Variants in MAP4K3 observed in about 807,000 individuals in gnomAD.
The protein encoded by MAP4K3 is mitogen-activated protein kinase kinase kinase kinase 3.
In MAP4K3, 94 loss-of-function variants were observed where a neutral mutation model predicts 143.5. The ratio of observed to expected loss-of-function variants is 0.65; its 90% CI spans 0.55 to 0.78. The LOEUF (loss-of-function observed/expected upper bound fraction) is 0.78, where lower values mean the gene tolerates loss of function less well. MAP4K3 is among the 30% of genes least tolerant of loss of function. MAP4K3 has a pLI of 0.00. For missense variants in MAP4K3, 1,077 were observed against 1,068.1 expected, an observed-to-expected ratio of 1.01 and a Z score of -0.12; for synonymous variants, 416 against 347.2, an observed-to-expected ratio of 1.20 and a Z score of -2.20.
At chr2:39,305,065 T>G (rs1218144185) in intron 15 of MAP4K3, among the ~76,000 whole-genome samples, 1 of 152,068 alleles carries the variant, frequency 6.6e-6, no homozygotes, top group Non-Finnish European at 1.5e-5. Flanking sequence ...GAAAAAGGAA[T>G]GGGGAGTTAT....
chr2:39,422,140 C>T (rs1334746678), intron 1 of MAP4K3, among the ~76,000 whole-genome samples: 4 of 151,898 alleles, frequency 2.6e-5, no homozygotes, highest in African/African-American at 9.7e-5. Context: ...GAGAAAAACA[C>T]TAAGATAGAA....
At chr2:39,305,244 A>G (rs1031231987) in intron 15 of MAP4K3, among the ~76,000 whole-genome samples, 2 of 152,226 alleles carry the variant, frequency 1.3e-5, no homozygotes, top group African/African-American at 4.8e-5. Context: ...AAAAAAACAA[A>G]AACAAAACAT....
At chr2:39,302,301 T>G (rs970518851) in intron 15 of MAP4K3, among the ~76,000 whole-genome samples, 5 of 152,164 alleles carry the variant, frequency 3.3e-5, no homozygotes, top group African/African-American at 1.2e-4. Context: ...AATTATGTTA[T>G]AGCAACCATG....
At chr2:39,343,570 T>G in intron 3 of MAP4K3, 118 bp from the exon 4 acceptor site, 2 of 692,480 alleles carry the variant, frequency 2.9e-6, no homozygotes, top group Non-Finnish European at 4.9e-6. Context: ...CAATGTGTTA[T>G]CTTTAAAATA....
chr2:39,269,916 A>G (rs962155266), intron 26 of MAP4K3, among the ~76,000 whole-genome samples: 1 of 152,158 alleles, frequency 6.6e-6, no homozygotes, highest in Non-Finnish European at 1.5e-5. Context: ...TATACATTGG[A>G]GTTTAATGCA....
chr2:39,262,203 C>CG lies in MAP4K3; in HGVS notation c.2137-1427dup, dbSNP rs1439885172. Among the ~76,000 whole-genome samples the CG allele has an allele frequency of 3.9e-5, 6 of 152,186 alleles. No homozygotes were observed. In the East Asian group the frequency reaches 1.2e-3, roughly 29 times the overall value. On this transcript the variant is annotated intron_variant, in intron 28 of 33. Coordinates refer to ENST00000263881, the MANE Select transcript of MAP4K3 (RefSeq NM_003618.4). ...TTCTAAAGAAAAGTAAAAGGTGCAA[C>CG]GGGGGATATCCTAACAGGTAGTTTT... is the stretch of plus-strand genomic sequence containing the variant.
At position 39,258,351 on chromosome 2, in the gene MAP4K3, TTGA is replaced by T; in HGVS notation, c.2464_2466del (p.Ser822del). On this transcript the variant is annotated inframe_deletion, in exon 31 of 34. Transcript: ENST00000263881. ...GAATTATAAAACTTTGACTTACCTA[TTGA>T]TTCAATCTGGAAATCAAAGGTGAGT... The T allele has an allele frequency of 6.3e-7, 1 of 1,589,470 alleles. No homozygotes were observed. The highest frequency in any genetic ancestry group is 8.6e-7 in the Non-Finnish European group (1 of 1,163,068).
intron 3 of MAP4K3, among the ~76,000 whole-genome samples, chr2:39,353,092 G>C (rs555315232): frequency 6.6e-5 from 10 of 152,286 alleles, no homozygotes; most frequent in African/African-American, 2.4e-4. Flanking sequence ...AAAGACATCA[G>C]ACTAGCTACT....
In MAP4K3 at chr2:39,436,889, T is replaced by C. The variant is rs1665505836; in HGVS notation, c.96+3A>G. The C allele has an allele frequency of 6.2e-7, 1 of 1,607,738 alleles. No individual in the cohort carries two copies. Among genetic ancestry groups the C allele is most frequent in the African/African-American group, 1.3e-5 (1 of 74,664 alleles). Reference sequence around the variant, plus strand: ...CTCGGCGGCGCGCGGCCCCTGCCTTTACCTTGTAGACGTCGCCGTAGGTGC... The same window carrying C: ...CTCGGCGGCGCGCGGCCCCTGCCTTCACCTTGTAGACGTCGCCGTAGGTGC... On this transcript the variant is annotated splice_donor_region_variant and intron_variant, in intron 1 of 33. Coordinates refer to ENST00000263881, the MANE Select transcript of MAP4K3 (RefSeq NM_003618.4).
chr2:39,341,324 G>A (rs1255653478), intron 4 of MAP4K3, among the ~76,000 whole-genome samples: 1 of 151,862 alleles, frequency 6.6e-6, no homozygotes, highest in African/African-American at 2.4e-5. Context: ...TAATACTGAG[G>A]GTCAAACACT....
intron 1 of MAP4K3, among the ~76,000 whole-genome samples, chr2:39,380,055 T>G (rs982289108): frequency 6.6e-6 from 1 of 152,144 alleles, no homozygotes; most frequent in African/African-American, 2.4e-5. Context: ...TTATTTCAAG[T>G]GGTAAATCAG....
intron 1 of MAP4K3, among the ~76,000 whole-genome samples, chr2:39,414,876 C>CA (rs1179200267): frequency 2.1e-3 from 267 of 128,736 alleles, no homozygotes; most frequent in East Asian, 0.012. Flanking sequence ...GACTCCAACT[C>CA]AAAAAAAAAA....
intron 1 of MAP4K3, among the ~76,000 whole-genome samples, chr2:39,400,457 T>C (rs1309315126): frequency 6.6e-6 from 1 of 152,210 alleles, no homozygotes; most frequent in Admixed American, 6.5e-5. Flanking sequence ...TGGGTGTTCT[T>C]ACCAGGTTTT....
In MAP4K3 at chr2:39,250,567, C is replaced by A. The variant is rs762975415; in HGVS notation, c.*51G>T. On this transcript the variant is annotated 3_prime_UTR_variant, in exon 34 of 34. Transcript: ENST00000263881. ...CAGCTTCAAGCATCCATTAATGTTG[C>A]AGTGGTAGTGTTCTTTCTTTCTAGA... is the stretch of plus-strand genomic sequence containing the variant. The A allele has an allele frequency of 3.4e-6, 5 of 1,486,944 alleles. No homozygotes were observed. In the South Asian group the frequency reaches 5.7e-5, roughly 17 times the overall value. 92.1% of individuals were successfully genotyped at this position (1,486,944 alleles called of 1,614,324 possible).
chr2:39,357,489 C>T (rs1665644969), intron 2 of MAP4K3, among the ~76,000 whole-genome samples: 3 of 152,204 alleles, frequency 2.0e-5, no homozygotes, highest in Admixed American at 2.0e-4. Flanking sequence ...AGACTTGAAA[C>T]AGCCCAACCA....
At chr2:39,422,275 T>C (rs1381179746) in intron 1 of MAP4K3, among the ~76,000 whole-genome samples, 1 of 152,160 alleles carries the variant, frequency 6.6e-6, no homozygotes, top group East Asian at 1.9e-4. Flanking sequence ...CTACTCTTTC[T>C]GAACAGCAAT....
chr2:39,295,433 CT>C (rs763600363), intron 16 of MAP4K3, among the ~76,000 whole-genome samples: 51 of 151,972 alleles, frequency 3.4e-4, no homozygotes, highest in Middle Eastern at 3.4e-3. Flanking sequence ...AACAAAAGCT[CT>C]TTGGAATCCT....
Position 39,333,588 on chromosome 2 carries a change from A to G in MAP4K3, c.415-14T>C, listed in dbSNP as rs748726367. ...AATGTTAGCTCCCTTCAAAGTAACA[A>G]TATTTTAGTTAGAGTAGGAAATAGA... On this transcript the variant is annotated splice_polypyrimidine_tract_variant and intron_variant, in intron 6 of 33. Coordinates refer to ENST00000263881, the MANE Select transcript of MAP4K3 (RefSeq NM_003618.4). 1.3e-6 allele frequency: 2 copies of G among 1,536,352 alleles called. No homozygotes were observed. The highest frequency in any genetic ancestry group is 2.3e-5 in the South Asian group (2 of 87,824).
intron 15 of MAP4K3, among the ~76,000 whole-genome samples, chr2:39,306,645 G>A (rs190304754): frequency 1.1e-3 from 161 of 152,194 alleles, no homozygotes; most frequent in Middle Eastern, 3.4e-3. Flanking sequence ...AAAGGAATCC[G>A]AGATTAGTAT....
Sources: gnomAD v4.1 joint callset for allele counts (sites outside exome capture counted in the v4.1 genomes callset) on GRCh38, gnomAD v4.1.1 for gene constraint, MANE v1.5 for transcripts, NCBI Gene and HGNC (gene_info 2026-07-23, HGNC 2026-07-21) for gene names.